The following ARSD variants were observed in gnomAD, a reference collection of about 807,000 sequenced individuals.
ARSD encodes the protein testis tissue sperm-binding protein Li 39a.
A neutral mutation model predicts 32.6 loss-of-function variants in ARSD; 21 were observed. The observed-to-expected ratio is 0.64, with a 90% CI of 0.46 to 0.93. The LOEUF is 0.93. ARSD is among the 40% of genes least tolerant of loss of function. ARSD has a pLI of 0.00. For missense variants in ARSD, 454 were observed against 520.9 expected, an observed-to-expected ratio of 0.87 and a Z score of 1.25; for synonymous variants, 224 against 237.4, an observed-to-expected ratio of 0.94 and a Z score of 0.52.
intron 1 of ARSD, among the ~76,000 whole-genome samples, chrX:2,928,389 T>A (rs1447315058): frequency 3.6e-5 from 2 of 55,107 alleles, no homozygotes; most frequent in Non-Finnish European, 6.7e-5. Context: ...TTACCGAGCG[T>A]GTTGGGGGAG....
chrX:2,920,393 CAG>C, intron 4 of ARSD: 1 of 383,414 alleles, frequency 2.6e-6, no homozygotes, highest in Non-Finnish European at 4.5e-6. Context: ...TTCTTTGAGA[CAG>C]AGTCTCGCTT....
Position 2,910,780 on chromosome X carries a change from A to G in ARSD, c.1014T>C (p.Asn338=). ...EMDWLIGKVL[N]AIEDNGLKNS... Reference sequence around the variant, plus strand: ...TCTTTAAACCATTGTCTTCGATGGCATTAAGAACCTTACCTTTACAGAAAA... The same window carrying G: ...TCTTTAAACCATTGTCTTCGATGGCGTTAAGAACCTTACCTTTACAGAAAA... Residue 338 remains asparagine (N), a synonymous_variant, in exon 7 of 10, where the codon AAT becomes AAC. Coordinates refer to ENST00000381154, the MANE Select transcript of ARSD (RefSeq NM_001669.4). 1 of 1,210,482 alleles carries G rather than the reference A, an allele frequency of 8.3e-7. No individual in the cohort carries two copies. Among genetic ancestry groups the G allele is most frequent in the Non-Finnish European group, 1.1e-6 (1 of 894,886 alleles).
chrX:2,918,162 C>T lies in ARSD; in HGVS notation c.505G>A (p.Gly169Arg), dbSNP rs751318171. 1 of 1,197,710 alleles carries T rather than the reference C, an allele frequency of 8.3e-7. No individual in the cohort carries two copies. The highest frequency in any genetic ancestry group is 1.1e-6 in the Non-Finnish European group (1 of 886,759). Reference protein sequence around the residue: ...GDHCHHPLNHGFDYFYGMPFT... With the variant: ...GDHCHHPLNHRFDYFYGMPFT... ...GGCATGCCGTAGAAATAGTCAAATC[C>T]GTGGTTCAGGGGGTGGTGGCAGTGA... Residue 169 changes from glycine (G) to arginine (R), a missense_variant, in exon 5 of 10, where the codon GGA (glycine) becomes AGA (arginine). Around this residue, in one of 3 missense-constraint regions of ARSD, gnomAD observed 271 missense variants for 301.0 expected, o/e 0.90. Coordinates refer to ENST00000381154, the MANE Select transcript of ARSD (RefSeq NM_001669.4).
At chrX:2,922,752 C>T (rs1403003800) in intron 2 of ARSD, among the ~76,000 whole-genome samples, 8 of 98,784 alleles carry the variant, frequency 8.1e-5, no homozygotes, top group East Asian at 3.1e-4. Context: ...ACAGGAGAAT[C>T]GCTTGAGCCC....
rs184626156 is a variant in ARSD at position 2,923,678 on chromosome X, C to T, written c.195-1654G>A. Among the ~76,000 whole-genome samples the T allele has an allele frequency of 1.4e-3, 153 of 111,132 alleles. 1 individual carries two copies. Among genetic ancestry groups the T allele is most frequent in the African/African-American group, 4.9e-3 (151 of 30,616 alleles). ...TCATCTCCTCTTCTTATAAGGACCC[C>T]AGTCCTATTGGATCAGGGCCCACCC... On this transcript the variant is annotated intron_variant, in intron 2 of 9. Transcript: ENST00000381154.
intron 6 of ARSD, among the ~76,000 whole-genome samples, chrX:2,913,254 C>A (rs747482563): frequency 1.8e-5 from 2 of 112,065 alleles, no homozygotes; most frequent in Non-Finnish European, 3.8e-5. Context: ...GTTGTGGAGA[C>A]CAAGCTTTTA....
intron 5 of ARSD, among the ~76,000 whole-genome samples, chrX:2,916,056 C>A (rs1318541314): frequency 2.1e-5 from 2 of 96,821 alleles, no homozygotes; most frequent in Non-Finnish European, 4.0e-5. Flanking sequence ...GGCTTGAGCC[C>A]GGGAGGTGGA....
At chrX:2,918,645 CAGG>C (rs1305253845) in intron 4 of ARSD, among the ~76,000 whole-genome samples, 2 of 111,273 alleles carry the variant, frequency 1.8e-5, no homozygotes, top group African/African-American at 6.5e-5. Flanking sequence ...GAGGCTGAGG[CAGG>C]AGAATGGCGT....
At chrX:2,916,131 C>CA (rs55848346) in intron 5 of ARSD, among the ~76,000 whole-genome samples, 4,024 of 38,179 alleles carry the variant, frequency 0.11, 414 homozygotes, top group East Asian at 0.51. Flanking sequence ...GACCCTGTCT[C>CA]AAAAAAAAAA....
intron 6 of ARSD, chrX:2,914,333 A>G: frequency 1.3e-5 from 7 of 536,789 alleles, no homozygotes; most frequent in Non-Finnish European, 1.4e-5. Context: ...CCTGGGCTCA[A>G]ATGATCTTCC....
chrX:2,919,371 G>A (rs1164600219), intron 4 of ARSD, among the ~76,000 whole-genome samples: 2 of 107,442 alleles, frequency 1.9e-5, no homozygotes, highest in Non-Finnish European at 3.8e-5. Flanking sequence ...TCACCACTGC[G>A]CTCCCACGTT....
chrX:2,914,460 G>T, intron 6 of ARSD: 5 of 671,399 alleles, frequency 7.4e-6, no homozygotes, highest in Admixed American at 5.4e-5. Context: ...GGCTGGTCTT[G>T]AACTCCTGGT....
At position 2,907,321 on chromosome X, in the gene ARSD, C is replaced by T. The variant is rs1243030785; in HGVS notation, c.1732G>A (p.Gly578Arg). 5.8e-6 allele frequency: 7 copies of T among 1,210,280 alleles called. No individual in the cohort carries two copies. The highest frequency in any genetic ancestry group is 1.7e-5 in the African/African-American group (1 of 57,394). The stretch of plus-strand genomic sequence containing the variant: ...TGGCATGAACAGAACGGGAAATGTC[C>T]GCAGCACGGCTGCAGCCACGGCTTC... ...LWKPWLQPCCGHFPFCSCHED... is the reference protein window; with the variant it reads ...LWKPWLQPCCRHFPFCSCHED... The change falls in exon 10 of 10, where the codon GGA (glycine) becomes AGA (arginine). Residue 578 changes from glycine to arginine, a missense_variant. Gly to Arg is a moderately radical substitution (Grantham distance 125, BLOSUM62 -2). Coordinates refer to ENST00000381154, the MANE Select transcript of ARSD (RefSeq NM_001669.4).
rs774027124 is a variant in ARSD, at chrX:2,918,933, C to G, written c.440-706G>C. 5.7e-4 allele frequency among the ~76,000 whole-genome samples: 62 copies of G among 108,885 alleles called. 1 individual carries two copies. Among genetic ancestry groups the G allele is most frequent in the Admixed American group, 5.3e-3 (54 of 10,101 alleles). 94.6% of individuals were successfully genotyped at this position (108,885 alleles called of 115,157 possible). ...GTTCGAGACCAGCCTGGCCAACATGCTGAAACCCTGGCTCTACTAAAAATG... is the reference window on the plus strand; with the variant it reads ...GTTCGAGACCAGCCTGGCCAACATGGTGAAACCCTGGCTCTACTAAAAATG... On this transcript the variant is annotated intron_variant, in intron 4 of 9. Coordinates refer to ENST00000381154, the MANE Select transcript of ARSD (RefSeq NM_001669.4).
chrX:2,907,941 C>T (rs1399920605), intron 9 of ARSD: 15 of 872,970 alleles, frequency 1.7e-5, no homozygotes, highest in East Asian at 1.1e-4. Flanking sequence ...AATTCTTCCC[C>T]TTTCCCCTGT....
chrX:2,924,739 G>C (rs1185811580), intron 2 of ARSD, among the ~76,000 whole-genome samples: 1 of 112,206 alleles, frequency 8.9e-6, no homozygotes, highest in Non-Finnish European at 1.9e-5. Context: ...CTGGTTTAGA[G>C]AGGGCCCCAG....
In ARSD at chrX:2,917,938, A is replaced by C. The variant is rs1324606485; in HGVS notation, c.729T>G (p.Ser243=). ...MAGVGCLFFI[S]WYSSFGFVRR... ...GCACAAACCCGAAGGAGGAGTACCA[A>C]GAGATGAAAAACAGGCAGCCCACGC... The change falls in exon 5 of 10, where the codon TCT becomes TCG. Residue 243 remains serine (S), a synonymous_variant. Transcript: ENST00000381154. 8.3e-7 allele frequency: 1 copy of C among 1,211,185 alleles called. No individual in the cohort carries two copies. Among genetic ancestry groups the C allele is most frequent in the Non-Finnish European group, 1.1e-6 (1 of 895,387 alleles).
intron 7 of ARSD, 113 bp from the exon 8 acceptor site, chrX:2,910,092 A>G: frequency 3.0e-6 from 3 of 985,061 alleles, no homozygotes; most frequent in Non-Finnish European, 2.7e-6. Context: ...GGATGCACAC[A>G]TGCACACTGG....
In ARSD at chrX:2,927,641, C is replaced by T. The variant is rs142009783; in HGVS notation, c.44+1591G>A. ...TAAGTAACAAAAGGACCGAAGGCTT[C>T]CCTTTGACCTTTTCTATTGGGTAGA... On this transcript the variant is annotated intron_variant, in intron 1 of 9. Coordinates refer to ENST00000381154, the MANE Select transcript of ARSD (RefSeq NM_001669.4). 5.7e-3 allele frequency among the ~76,000 whole-genome samples: 638 copies of T among 112,227 alleles called. 3 individuals are homozygous for T. The highest frequency in any genetic ancestry group is 0.019 in the African/African-American group (594 of 30,911).
Sources: gnomAD v4.1 joint callset for allele counts (sites outside exome capture counted in the v4.1 genomes callset) on GRCh38, gnomAD v4.1.1 for gene constraint, gnomAD v4.1.1 regional missense constraint, MANE v1.5 for transcripts, NCBI Gene and HGNC (gene_info 2026-07-23, HGNC 2026-07-21) for gene names.